CCDC7: variants seen among roughly 807,000 people sequenced by gnomAD.
The protein encoded by CCDC7 is coiled-coil domain containing 7, also known as coiled-coil domain-containing protein 7.
A neutral mutation model predicts 196.9 loss-of-function variants in CCDC7; 183 were observed. That is an observed-to-expected ratio of 0.93 (90% confidence interval 0.82 to 1.05). The LOEUF (loss-of-function observed/expected upper bound fraction) is 1.05, where lower values mean the gene tolerates loss of function less well. Among genes scored for constraint, CCDC7 ranks in the 50% least tolerant of loss-of-function variants. The probability of loss-of-function intolerance (pLI) is 0.00; values close to 1 mark genes in which losing one functional copy is unlikely to be tolerated. For synonymous variants in CCDC7, 525 were observed against 484.6 expected, an observed-to-expected ratio of 1.08 and a Z score of -1.10; for missense variants, 1,540 against 1,482.2, an observed-to-expected ratio of 1.04 and a Z score of -0.64.
chr10:32,612,970 A>G (rs2947062), intron 18 of CCDC7, among the ~76,000 whole-genome samples: 38,183 of 150,766 alleles, frequency 0.25, 5,399 homozygotes, highest in South Asian at 0.44. Flanking sequence ...CTCTTTTTCT[A>G]TTATTTGGAA....
chr10:32,443,482 T>C (rs545076626), upstream of CCDC7, among the ~76,000 whole-genome samples: 56 of 152,312 alleles, frequency 3.7e-4, no homozygotes, highest in African/African-American at 1.3e-3. Context: ...TTAATTTAAA[T>C]TAACTTTCAG....
At chr10:32,580,901 GA>G (rs887459938) in intron 16 of CCDC7, among the ~76,000 whole-genome samples, 3 of 149,506 alleles carry the variant, frequency 2.0e-5, no homozygotes, top group African/African-American at 7.4e-5. Context: ...GTATTAGAAA[GA>G]AAAAAAAATA....
chr10:32,680,578 C>T (rs1420006805), intron 21 of CCDC7, among the ~76,000 whole-genome samples: 1 of 152,064 alleles, frequency 6.6e-6, no homozygotes, highest in African/African-American at 2.4e-5. Flanking sequence ...TGTCCCTCCC[C>T]CGACAGGCCC....
intron 15 of CCDC7, 118 bp downstream of exon 16, chr10:32,568,009 T>TG: frequency 6.6e-6 from 2 of 301,036 alleles, no homozygotes; most frequent in South Asian, 4.8e-5. Flanking sequence ...TTTTTGGGTT[T>TG]TTTTTTTTTT....
At chr10:32,707,048 G>A (rs1352637853) in intron 24 of CCDC7, among the ~76,000 whole-genome samples, 1 of 152,194 alleles carries the variant, frequency 6.6e-6, no homozygotes, top group African/African-American at 2.4e-5. Context: ...TATCCCTGAT[G>A]AACATCGATG....
chr10:32,824,450 C>A, intron 31 of CCDC7, 68 bp from the exon 33 acceptor site: 1 of 926,912 alleles, frequency 1.1e-6, no homozygotes, highest in Non-Finnish European at 1.7e-6. Context: ...TAGTATTAGA[C>A]ACATGCACAC....
intron 20 of CCDC7, among the ~76,000 whole-genome samples, chr10:32,653,374 C>T (rs986571733): frequency 1.3e-5 from 2 of 151,968 alleles, no homozygotes; most frequent in African/African-American, 4.8e-5. Context: ...CAGCCCCCAC[C>T]CCCTGATACT....
At chr10:32,535,322 A>G (rs901409528) in intron 11 of CCDC7, among the ~76,000 whole-genome samples, 1 of 152,076 alleles carries the variant, frequency 6.6e-6, no homozygotes, top group African/African-American at 2.4e-5. Flanking sequence ...TTATTAAGCT[A>G]ATCTAATTTT....
rs35373494 is a variant in CCDC7 at position 32,728,890 on chromosome 10, G to A, written c.2672G>A (p.Arg891His). ...CTAAATGCATCTCTTGATATAGCTC[G>A]TATTGTAGTACCAAATGAAAATGTG... Residue 891 changes from arginine (R) to histidine (H), a missense_variant, in exon 27 of 42, where the codon CGT (arginine) becomes CAT (histidine). Physicochemically the swap from Arg to His is conservative, Grantham distance 29. Coordinates refer to ENST00000639629, the Ensembl canonical transcript of CCDC7. 316 of 1,570,720 alleles carry A rather than the reference G, an allele frequency of 2.0e-4. No homozygotes were observed. In the African/African-American group the frequency reaches 3.5e-3, roughly 17 times the overall value.
intron 16 of CCDC7, among the ~76,000 whole-genome samples, chr10:32,582,703 A>AAATGTGACT (rs2058859781): frequency 6.6e-6 from 1 of 152,194 alleles, no homozygotes; most frequent in African/African-American, 2.4e-5. Context: ...ATTTTGGAAT[A>AAATGTGACT]AATGTGACTA....
At position 32,839,425 on chromosome 10, in the gene CCDC7, G is replaced by A. The variant is rs567770719; in HGVS notation, c.3352+4527G>A. Among the ~76,000 whole-genome samples, 365 of 151,930 alleles carry A rather than the reference G, an allele frequency of 2.4e-3. 1 individual carries two copies. The highest frequency in any genetic ancestry group is 3.8e-3 in the Non-Finnish European group (256 of 67,876). ...AAAAATGACAAAGAGGGACATTATA[G>A]AATGATAAAAGGGCTAGTCCAGCAG... On this transcript the variant is annotated intron_variant, in intron 33 of 41. Coordinates refer to ENST00000639629, the Ensembl canonical transcript of CCDC7.
intron 5 of CCDC7, among the ~76,000 whole-genome samples, chr10:32,466,088 T>C (rs1024105276): frequency 1.3e-5 from 2 of 152,198 alleles, no homozygotes; most frequent in Non-Finnish European, 2.9e-5. Flanking sequence ...GCATTCATAA[T>C]CACCAGGAGG....
At chr10:32,716,202 C>G (rs1021332361) in intron 25 of CCDC7, among the ~76,000 whole-genome samples, 1 of 152,226 alleles carries the variant, frequency 6.6e-6, no homozygotes, top group Non-Finnish European at 1.5e-5. Context: ...AACAGCAGAT[C>G]TCTCTGCAGA....
rs185040177 is a variant in CCDC7, at chr10:32,511,660, A to G, written c.873-6285A>G. 4,040 of 1,571,546 alleles carry G rather than the reference A, an allele frequency of 2.6e-3. 60 individuals carry two copies. The highest frequency in any genetic ancestry group is 1.2e-3 in the Non-Finnish European group (1,394 of 1,143,132). On this transcript the variant is annotated intron_variant, in intron 9 of 41. Transcript: ENST00000639629. The stretch of plus-strand genomic sequence containing the variant: ...TCGTGGTCTTCAGCATCTCATCCAC[A>G]GCACCAATGGAATTCTCAAACGCTG...
chr10:32,702,933 G>A (rs1349569300), intron 24 of CCDC7, among the ~76,000 whole-genome samples: 4 of 152,164 alleles, frequency 2.6e-5, no homozygotes, highest in Admixed American at 2.0e-4. Context: ...TGGGTTTCCT[G>A]AATACAGCAC....
At chr10:32,639,227 A>G (rs926135218) in intron 20 of CCDC7, among the ~76,000 whole-genome samples, 3 of 151,506 alleles carry the variant, frequency 2.0e-5, no homozygotes, top group African/African-American at 7.3e-5. Context: ...TTGGGTCTCT[A>G]TTTCCTTCAG....
chr10:32,616,096 G>T (rs182695039), intron 18 of CCDC7, among the ~76,000 whole-genome samples: 72 of 152,068 alleles, frequency 4.7e-4, no homozygotes, highest in African/African-American at 1.5e-3. Context: ...GTAATGTGAT[G>T]CCTCCAGCTT....
chr10:32,800,702 A>G (rs760175886), intron 29 of CCDC7, among the ~76,000 whole-genome samples: 11 of 152,196 alleles, frequency 7.2e-5, no homozygotes, highest in Non-Finnish European at 1.6e-4. Flanking sequence ...TTGGTAGTGT[A>G]GTGGGATCCT....
intron 29 of CCDC7, among the ~76,000 whole-genome samples, chr10:32,804,517 G>A (rs1565552669): frequency 1.3e-5 from 2 of 152,124 alleles, no homozygotes; most frequent in East Asian, 1.9e-4. Flanking sequence ...ATTTCTGGAT[G>A]AGTCAAAGTA....
Sources: gnomAD v4.1 joint callset for allele counts (sites outside exome capture counted in the v4.1 genomes callset) on GRCh38, gnomAD v4.1.1 for gene constraint, MANE v1.5 for transcripts, NCBI Gene and HGNC (gene_info 2026-07-23, HGNC 2026-07-21) for gene names.